CLDN14: variants seen among roughly 807,000 people sequenced by gnomAD.
The protein encoded by CLDN14 is claudin 14, also known as claudin-14.
Under a neutral mutation model 2.1 loss-of-function variants are expected in CLDN14, and 2 were observed. The ratio of observed to expected loss-of-function variants is 0.96; its 90% CI spans 0.39 to 3.01. The LOEUF (loss-of-function observed/expected upper bound fraction) is 3.01, where lower values mean the gene tolerates loss of function less well. Ranked by LOEUF, CLDN14 falls within the 30% of genes most tolerant of loss-of-function variation. The probability of loss-of-function intolerance (pLI) is 0.09; values close to 1 mark genes in which losing one functional copy is unlikely to be tolerated. For missense variants in CLDN14, 298 were observed against 328.0 expected, an observed-to-expected ratio of 0.91 and a Z score of 0.71; for synonymous variants, 136 against 154.4, an observed-to-expected ratio of 0.88 and a Z score of 0.88.
intron 1 of CLDN14, among the ~76,000 whole-genome samples, chr21:36,533,320 C>A (rs1287754968): frequency 3.3e-5 from 5 of 152,166 alleles, no homozygotes; most frequent in Non-Finnish European, 7.3e-5. Context: ...CACAGTGCAC[C>A]CTTAGGTGCC....
At chr21:36,554,608 T>A (rs543237746) in intron 1 of CLDN14, among the ~76,000 whole-genome samples, 9 of 152,254 alleles carry the variant, frequency 5.9e-5, no homozygotes, top group African/African-American at 2.2e-4. Context: ...ACAGAGAGGT[T>A]AAGAAGCTTG....
At chr21:36,523,745 C>A (rs1601622873) in intron 1 of CLDN14, among the ~76,000 whole-genome samples, 3 of 22,512 alleles carry the variant, frequency 1.3e-4, no homozygotes, top group Non-Finnish European at 3.5e-4. Flanking sequence ...GAGACTCCAT[C>A]TAAAAAAAAA....
intron 2 of CLDN14, among the ~76,000 whole-genome samples, chr21:36,485,229 A>C (rs73204268): frequency 4.7e-5 from 7 of 149,432 alleles, no homozygotes; most frequent in Middle Eastern, 3.5e-3. Flanking sequence ...TTTTTTTTTG[A>C]TGGCGTCTTA....
chr21:36,486,333 T>C (rs746946178), intron 2 of CLDN14: 3 of 830,606 alleles, frequency 3.6e-6, no homozygotes, highest in Non-Finnish European at 4.2e-6. Flanking sequence ...CAGGACCTCG[T>C]CTGAGCCTTC....
intron 2 of CLDN14, among the ~76,000 whole-genome samples, chr21:36,500,245 C>A (rs947676882): frequency 1.3e-5 from 2 of 152,104 alleles, no homozygotes; most frequent in African/African-American, 4.8e-5. Context: ...TCCCTGTACC[C>A]GCCCTCTCAG....
At chr21:36,522,127 C>T (rs1455881079) in intron 1 of CLDN14, among the ~76,000 whole-genome samples, 2 of 152,162 alleles carry the variant, frequency 1.3e-5, no homozygotes, top group Non-Finnish European at 2.9e-5. Context: ...GAGATCATAG[C>T]CCACTCCCTG....
At chr21:36,572,901 C>G (rs1023272075) in intron 1 of CLDN14, among the ~76,000 whole-genome samples, 1 of 152,210 alleles carries the variant, frequency 6.6e-6, no homozygotes, top group Admixed American at 6.5e-5. Context: ...TCCAATCTTG[C>G]GCTTCCCTGC....
rs1568874525 is a variant in CLDN14, at chr21:36,539,351, TGGAGTGAGTGTATGTGC to T, written c.-219-28868_-219-28852del. On this transcript the variant is annotated intron_variant, in intron 1 of 2. Transcript: ENST00000342108. Reference sequence around the variant, plus strand: ...GGAGTGTGTGTGGAGTGAGTGTGTGTGGAGTGAGTGTATGTGCGGAGTGAGTGTGTGTGGAGTGAGTG... The same window carrying T: ...GGAGTGTGTGTGGAGTGAGTGTGTGTGGAGTGAGTGTGTGTGGAGTGAGTG... Among the ~76,000 whole-genome samples, 6 of 147,844 alleles carry T rather than the reference TGGAGTGAGTGTATGTGC, an allele frequency of 4.1e-5. No individual in the cohort carries two copies. The East Asian group carries it at 8.0e-4, about 20-fold the overall frequency.
At chr21:36,520,017 G>A (rs903874785) in intron 1 of CLDN14, among the ~76,000 whole-genome samples, 1 of 152,208 alleles carries the variant, frequency 6.6e-6, no homozygotes, top group Non-Finnish European at 1.5e-5. Context: ...TTCTCTCACA[G>A]CTCTGGAGTC....
Position 36,466,422 on chromosome 21 carries a change from G to A in CLDN14, c.-81-4646C>T, listed in dbSNP as rs989664634. 2.0e-5 allele frequency: 3 copies of A among 152,242 alleles called. 1 individual carries two copies. The highest frequency in any genetic ancestry group is 4.1e-4 in the South Asian group (2 of 4,828). 9.4% of individuals were successfully genotyped at this position (152,242 alleles called of 1,614,324 possible). A position where few individuals can be genotyped will look rare whatever the true frequency, so the allele number is the denominator to read the frequency against. ...ACTTACAATCCTGGCAGAAGGTGAA[G>A]CAAACACATCCTCTTTACATGGCAG... On this transcript the variant is annotated intron_variant, in intron 1 of 1. Coordinates refer to ENST00000399135, the MANE Select transcript of CLDN14 (RefSeq NM_001146079.2).
chr21:36,510,492 T>G lies in CLDN14; in HGVS notation c.-211A>C, dbSNP rs2087176149. Reference sequence around the variant, plus strand: ...TGGCTTGTGTCCAGATCTCTGGGCCTTGCAGCCCCTAGAAAGGTGACACAT... The same window carrying G: ...TGGCTTGTGTCCAGATCTCTGGGCCGTGCAGCCCCTAGAAAGGTGACACAT... On this transcript the variant is annotated 5_prime_UTR_variant, in exon 2 of 3. Coordinates refer to the CLDN14 transcript ENST00000342108. 2 of 152,318 alleles carry G rather than the reference T, an allele frequency of 1.3e-5. 1 individual carries two copies. The highest frequency in any genetic ancestry group is 4.1e-4 in the South Asian group (2 of 4,834). The allele number at this position is 152,318 out of a possible 1,614,324, so 9.4% of individuals were successfully genotyped here.
At chr21:36,559,142 T>C (rs2146522579) in intron 1 of CLDN14, among the ~76,000 whole-genome samples, 1 of 152,098 alleles carries the variant, frequency 6.6e-6, no homozygotes, top group East Asian at 1.9e-4. Context: ...TATGTTTAGG[T>C]CATTTTTTCC....
chr21:36,494,183 G>A (rs1471948351), intron 2 of CLDN14, among the ~76,000 whole-genome samples: 2 of 152,184 alleles, frequency 1.3e-5, no homozygotes, highest in South Asian at 2.1e-4. Context: ...CTCTCCCAGC[G>A]GGGGACTGTG....
intron 1 of CLDN14, among the ~76,000 whole-genome samples, chr21:36,549,871 CT>C (rs755498895): frequency 1.3e-5 from 2 of 152,366 alleles, no homozygotes; most frequent in South Asian, 4.1e-4. Flanking sequence ...TTTCCCACCC[CT>C]GTCATGCCTG....
At chr21:36,518,515 C>T (rs2087245616) in intron 1 of CLDN14, among the ~76,000 whole-genome samples, 1 of 152,122 alleles carries the variant, frequency 6.6e-6, no homozygotes, top group African/African-American at 2.4e-5. Flanking sequence ...TGGGGAGTCC[C>T]TTGAATCTGG....
rs1356204557 is a variant in CLDN14 at position 36,544,767 on chromosome 21, CAG to C, written c.-220+31642_-220+31643del. 6.6e-6 allele frequency among the ~76,000 whole-genome samples: 1 copy of C among 152,204 alleles called. No homozygotes were observed. Among genetic ancestry groups the C allele is most frequent in the Non-Finnish European group, 1.5e-5 (1 of 68,042 alleles). On this transcript the variant is annotated intron_variant, in intron 1 of 2. Transcript: ENST00000342108. This position sits in a 1 kb window ranked among gnomAD's most constrained non-coding sequence, Gnocchi z 4.1. ...CAGCGATCACGCTGAAATATGATGA[CAG>C]GGGCAAGACTGCAAGGACATCCGCG...
chr21:36,530,943 A>T (rs1202815966), intron 1 of CLDN14, among the ~76,000 whole-genome samples: 3 of 152,218 alleles, frequency 2.0e-5, no homozygotes, highest in Non-Finnish European at 4.4e-5. Context: ...ATTTAAAATA[A>T]TGTTAACCGA....
At chr21:36,492,592 G>A (rs2086979536) in intron 2 of CLDN14, among the ~76,000 whole-genome samples, 2 of 152,108 alleles carry the variant, frequency 1.3e-5, no homozygotes, top group Admixed American at 1.3e-4. Flanking sequence ...TTGTGCCACT[G>A]CACTGCAGCC....
chr21:36,460,984 A>G lies in CLDN14; in HGVS notation c.712T>C (p.Tyr238His). ...ATHSGYRLND[Y>H]V is the part of the protein sequence containing the mutation. Reference sequence around the variant, plus strand: ...AAGCAGGCTGTGGGGACTCACACGTAGTCGTTCAGCCTGTACCCGCTGTGC... The same window carrying G: ...AAGCAGGCTGTGGGGACTCACACGTGGTCGTTCAGCCTGTACCCGCTGTGC... The change falls in exon 2 of 2, where the codon TAC (tyrosine) becomes CAC (histidine). Residue 238 changes from tyrosine (Y) to histidine (H), a missense_variant. Transcript: ENST00000399135. The surrounding 1 kb of genome is among the most constrained non-coding windows in gnomAD (Gnocchi z 4.0). 7 of 1,612,558 alleles carry G rather than the reference A, an allele frequency of 4.3e-6. No homozygotes were observed. Among genetic ancestry groups the G allele is most frequent in the Non-Finnish European group, 5.1e-6 (6 of 1,179,840 alleles).
Sources: gnomAD v4.1 joint callset for allele counts (sites outside exome capture counted in the v4.1 genomes callset) on GRCh38, gnomAD v4.1.1 for gene constraint, Gnocchi (gnomAD v3.1) non-coding constraint, MANE v1.5 for transcripts, NCBI Gene and HGNC (gene_info 2026-07-23, HGNC 2026-07-21) for gene names.